The following LCLAT1 variants were observed in gnomAD, a reference collection of about 807,000 sequenced individuals.
The protein encoded by LCLAT1 is 1-AGP acyltransferase 8.
LCLAT1 carries 11 observed loss-of-function variants against 30.7 expected under a neutral mutation model. The ratio of observed to expected loss-of-function variants is 0.36; its 90% CI spans 0.23 to 0.59. LCLAT1 has a LOEUF of 0.59. Among genes scored for constraint, LCLAT1 ranks in the 20% least tolerant of loss-of-function variants. LCLAT1 has a pLI of 0.77. For missense variants in LCLAT1, 402 were observed against 458.6 expected (o/e 0.88, Z 1.13); for synonymous variants, 155 against 151.3 (o/e 1.02, Z -0.18).
rs537105544 is a variant in LCLAT1, at chr2:30,571,662, G to A, written c.628+3486G>A. Among the ~76,000 whole-genome samples the A allele has an allele frequency of 3.3e-5, 5 of 152,262 alleles. No individual in the cohort carries two copies. In the South Asian group the frequency reaches 1.0e-3, roughly 32 times the overall value. On this transcript the variant is annotated intron_variant, in intron 5 of 5. Transcript: ENST00000379509. ...CTTTTGAACAGCCAGCATGTTTTAG[G>A]AGGCAAGGAAGAAAGACAGACAAAT...
At chr2:30,485,510 G>T (rs190836283) in intron 1 of LCLAT1, among the ~76,000 whole-genome samples, 1 of 152,010 alleles carries the variant, frequency 6.6e-6, no homozygotes, top group Non-Finnish European at 1.5e-5. Flanking sequence ...AATTAACTTT[G>T]TCTTAAATTC....
At chr2:30,580,837 T>G (rs1165543294) in intron 5 of LCLAT1, among the ~76,000 whole-genome samples, 4 of 152,178 alleles carry the variant, frequency 2.6e-5, no homozygotes, top group Non-Finnish European at 4.4e-5. Flanking sequence ...AATCGTTCCC[T>G]TCTTAGTATT....
chr2:30,638,582 TC>T (rs563320881), intron 5 of LCLAT1, among the ~76,000 whole-genome samples: 52 of 152,358 alleles, frequency 3.4e-4, no homozygotes, highest in African/African-American at 1.3e-3. Context: ...ATTCAGAGAC[TC>T]CGCAGCAACA....
chr2:30,477,172 T>A (rs1683085102), intron 1 of LCLAT1, among the ~76,000 whole-genome samples: 1 of 152,200 alleles, frequency 6.6e-6, no homozygotes, highest in African/African-American at 2.4e-5. Context: ...TTCAGAGACA[T>A]TTACCACCCT....
intron 5 of LCLAT1, among the ~76,000 whole-genome samples, chr2:30,572,064 G>A (rs1665803167): frequency 6.6e-6 from 1 of 152,158 alleles, no homozygotes; most frequent in Admixed American, 6.5e-5. Flanking sequence ...ATGCATGACC[G>A]CATGTCAGAG....
At chr2:30,470,915 C>CTTT (rs35399245) in intron 1 of LCLAT1, among the ~76,000 whole-genome samples, 1 of 135,764 alleles carries the variant, frequency 7.4e-6, no homozygotes. Flanking sequence ...TTTATTCATT[C>CTTT]TTTTTTTTTT....
At chr2:30,521,123 C>T (rs1237020354) in intron 1 of LCLAT1, among the ~76,000 whole-genome samples, 6 of 152,180 alleles carry the variant, frequency 3.9e-5, no homozygotes, top group Non-Finnish European at 2.9e-5. Flanking sequence ...TTTGGTGGTC[C>T]TCACTGCTAC....
At chr2:30,524,673 C>T (rs1685624416) in intron 1 of LCLAT1, among the ~76,000 whole-genome samples, 1 of 152,134 alleles carries the variant, frequency 6.6e-6, no homozygotes, top group Admixed American at 6.5e-5. Flanking sequence ...GCCTCTTAGT[C>T]CCTTAATAGC....
At chr2:30,454,012 A>G (rs1616259) in intron 1 of LCLAT1, among the ~76,000 whole-genome samples, 33,759 of 152,156 alleles carry the variant, frequency 0.22, 3,831 homozygotes, top group East Asian at 0.34. Flanking sequence ...GCTCTTAATT[A>G]CTATGCTATA....
At chr2:30,600,387 A>G (rs1667127688) in intron 5 of LCLAT1, among the ~76,000 whole-genome samples, 1 of 152,178 alleles carries the variant, frequency 6.6e-6, no homozygotes, top group South Asian at 2.1e-4. Context: ...AGGGAAATTT[A>G]TAGCACTAAA....
At position 30,640,201 on chromosome 2, in the gene LCLAT1, A is replaced by G. The variant is rs1183927563; in HGVS notation, c.713A>G (p.Asp238Gly). The change falls in exon 6 of 6, where the codon GAC becomes GGC. Residue 238 changes from aspartate to glycine, a missense_variant. Transcript: ENST00000379509. ...PQSEKHLLQG[D>G]FPREIHFHVH... ...TCAGAGAAGCACCTCCTCCAAGGAG[A>G]CTTTCCCAGGGAAATCCACTTTCAC... 3 of 1,614,120 alleles carry G rather than the reference A, an allele frequency of 1.9e-6. No individual in the cohort carries two copies. The highest frequency in any genetic ancestry group is 3.3e-5 in the Admixed American group (2 of 60,022).
chr2:30,603,051 T>C (rs1667266344), intron 5 of LCLAT1, among the ~76,000 whole-genome samples: 1 of 152,158 alleles, frequency 6.6e-6, no homozygotes, highest in South Asian at 2.1e-4. Context: ...TAAATGAGGA[T>C]AATAAAGCTT....
intron 4 of LCLAT1, among the ~76,000 whole-genome samples, 155 bp downstream of exon 4, chr2:30,562,447 G>A (rs1665276246): frequency 6.6e-6 from 1 of 152,180 alleles, no homozygotes; most frequent in African/African-American, 2.4e-5. Context: ...GAGACTGGAA[G>A]ATGGATTGAG....
intron 3 of LCLAT1, among the ~76,000 whole-genome samples, chr2:30,548,777 A>G (rs763456823): frequency 1.3e-5 from 2 of 152,166 alleles, no homozygotes; most frequent in African/African-American, 2.4e-5. Context: ...AAGGTAATAT[A>G]TTTTGGGGTA....
chr2:30,551,475 T>A (rs894259225), intron 3 of LCLAT1, among the ~76,000 whole-genome samples: 2 of 152,224 alleles, frequency 1.3e-5, no homozygotes, highest in Non-Finnish European at 2.9e-5. Flanking sequence ...CCCTTTTTTT[T>A]ATGAAGAATG....
chr2:30,622,887 A>G (rs543722941), intron 5 of LCLAT1, among the ~76,000 whole-genome samples: 1 of 152,120 alleles, frequency 6.6e-6, no homozygotes, highest in Non-Finnish European at 1.5e-5. Flanking sequence ...GTAATATGAC[A>G]AAAGAAGGTT....
intron 2 of LCLAT1, 149 bp from the exon 3 acceptor site, chr2:30,532,967 C>A (rs1686051577): frequency 1.6e-6 from 1 of 616,024 alleles, no homozygotes; most frequent in Non-Finnish European, 2.9e-6. Context: ...ATAACCTCAC[C>A]ACTCAATTTT....
chr2:30,532,678 T>C (rs1303570049), intron 2 of LCLAT1, among the ~76,000 whole-genome samples: 1 of 152,090 alleles, frequency 6.6e-6, no homozygotes, highest in African/African-American at 2.4e-5. Flanking sequence ...TTTTAAAACA[T>C]CATAGTACAG....
intron 1 of LCLAT1, among the ~76,000 whole-genome samples, chr2:30,492,461 G>A (rs1261571503): frequency 1.3e-5 from 2 of 151,960 alleles, no homozygotes; most frequent in African/African-American, 2.4e-5. Context: ...TAGAGTGTTA[G>A]GAAGCTGAAT....
Sources: gnomAD v4.1 joint callset for allele counts (sites outside exome capture counted in the v4.1 genomes callset) on GRCh38, gnomAD v4.1.1 for gene constraint, MANE v1.5 for transcripts, NCBI Gene and HGNC (gene_info 2026-07-23, HGNC 2026-07-21) for gene names.